RGS22: variants seen among roughly 807,000 people sequenced by gnomAD.
RGS22 encodes regulator of G protein signaling 22.
A neutral mutation model predicts 172.9 loss-of-function variants in RGS22; 148 were observed. The observed-to-expected ratio is 0.86, with a 90% CI of 0.75 to 0.98. The LOEUF (loss-of-function observed/expected upper bound fraction) is 0.98. Ranked by LOEUF, RGS22 falls within the 50% of genes least tolerant of loss-of-function variation. RGS22 has a pLI of 0.00. For missense variants in RGS22, 1,347 were observed against 1,440.8 expected (o/e 0.93, Z 1.05); for synonymous variants, 458 against 480.2 (o/e 0.95, Z 0.60).
At chr8:100,056,855 C>T (rs1345805665) in intron 9 of RGS22, among the ~76,000 whole-genome samples, 1 of 152,200 alleles carries the variant, frequency 6.6e-6, no homozygotes, top group Non-Finnish European at 1.5e-5. Flanking sequence ...CCACAGAGTC[C>T]CCACTGGGGC....
chr8:99,996,567 A>C (rs747935043), intron 19 of RGS22, 37 bp from the exon 20 acceptor site: 4 of 1,522,388 alleles, frequency 2.6e-6, no homozygotes, highest in African/African-American at 1.4e-5. Context: ...CCAGTTATTC[A>C]GACTAAAGGC....
chr8:100,016,453 C>G (rs1816963810), intron 14 of RGS22, among the ~76,000 whole-genome samples: 1 of 152,070 alleles, frequency 6.6e-6, no homozygotes. Flanking sequence ...ATATCAACCC[C>G]CATCTGACAA....
chr8:100,098,217 C>T (rs1586289703), intron 2 of RGS22, among the ~76,000 whole-genome samples: 1 of 152,228 alleles, frequency 6.6e-6, no homozygotes, highest in East Asian at 1.9e-4. Context: ...CCTATTTATT[C>T]TTTTAATTTC....
chr8:100,031,837 G>A (rs898387181), intron 14 of RGS22, among the ~76,000 whole-genome samples: 1 of 152,090 alleles, frequency 6.6e-6, no homozygotes, highest in African/African-American at 2.4e-5. Flanking sequence ...AACGCTATAA[G>A]CCAGAAGACA....
intron 2 of RGS22, among the ~76,000 whole-genome samples, chr8:100,099,774 C>T (rs1315697677): frequency 1.3e-5 from 2 of 152,158 alleles, no homozygotes; most frequent in Admixed American, 6.5e-5. Flanking sequence ...TGGGACCTGT[C>T]TTAGTTTCCT....
intron 2 of RGS22, among the ~76,000 whole-genome samples, chr8:100,098,253 T>C (rs1813137651): frequency 6.6e-6 from 1 of 152,222 alleles, no homozygotes; most frequent in South Asian, 2.1e-4. Flanking sequence ...AGTAAATGTT[T>C]AGAACATTTT....
At chr8:100,055,687 A>T (rs2514702) in intron 9 of RGS22, among the ~76,000 whole-genome samples, 59,142 of 151,976 alleles carry the variant, frequency 0.39, 11,967 homozygotes, top group East Asian at 0.55. Context: ...TTCTCCTGGT[A>T]GTGAATAAGT....
At chr8:100,024,366 T>A (rs1303573617) in intron 14 of RGS22, among the ~76,000 whole-genome samples, 1 of 151,940 alleles carries the variant, frequency 6.6e-6, no homozygotes, top group Non-Finnish European at 1.5e-5. Context: ...CTTAAAAAAA[T>A]AAAAACACTC....
At chr8:100,078,065 A>G (rs1811484455) in intron 4 of RGS22, among the ~76,000 whole-genome samples, 1 of 152,164 alleles carries the variant, frequency 6.6e-6, no homozygotes, top group Non-Finnish European at 1.5e-5. Flanking sequence ...TCATAATTGC[A>G]TAGTATACCT....
intron 9 of RGS22, among the ~76,000 whole-genome samples, 188 bp from the exon 10 acceptor site, chr8:100,053,164 G>T (rs1252108721): frequency 2.0e-5 from 3 of 152,000 alleles, no homozygotes; most frequent in Non-Finnish European, 4.4e-5. Flanking sequence ...TCAGCTGCCT[G>T]CAATCCCATT....
chr8:100,072,627 C>T (rs191533312), intron 4 of RGS22, among the ~76,000 whole-genome samples: 107 of 151,912 alleles, frequency 7.0e-4, no homozygotes, highest in African/African-American at 2.3e-3. Context: ...CTTGGTAAGG[C>T]CACCAAAGTC....
intron 11 of RGS22, 68 bp downstream of exon 11, chr8:100,047,395 A>C: frequency 7.2e-7 from 1 of 1,390,694 alleles, no homozygotes; most frequent in Non-Finnish European, 9.7e-7. Flanking sequence ...ATTTCTGTTT[A>C]GTTTTTAAAT....
rs34200563 is a variant in RGS22 at position 99,981,944 on chromosome 8, T to C, written c.3353A>G (p.Glu1118Gly). The change falls in exon 22 of 28, where the codon GAG becomes GGG. Residue 1118 changes from glutamate to glycine, a missense_variant. Coordinates refer to ENST00000360863, the MANE Select transcript of RGS22 (RefSeq NM_015668.5). ...RKELGPYVFR[E>G]AQMTIFGVLF... ...CATGCCCTGATCTCTTACCTGTGCC[T>C]CTCTAAATACATATGGTCCTAACTC... The C allele has an allele frequency of 3.9e-3, 6,288 of 1,610,040 alleles. 17 individuals are homozygous for C. Among genetic ancestry groups the C allele is most frequent in the South Asian group, 5.8e-3 (519 of 90,236 alleles).
At chr8:100,013,911 CATA>C (rs1298376232) in intron 14 of RGS22, among the ~76,000 whole-genome samples, 3 of 152,272 alleles carry the variant, frequency 2.0e-5, no homozygotes, top group East Asian at 1.9e-4. Context: ...CTACTAAAAA[CATA>C]ATGACTGACT....
At chr8:100,082,384 A>G (rs942574848) in intron 3 of RGS22, among the ~76,000 whole-genome samples, 26 of 152,244 alleles carry the variant, frequency 1.7e-4, no homozygotes, top group African/African-American at 5.8e-4. Context: ...TCCACTCTCC[A>G]TCCTCAAGTA....
chr8:100,037,095 G>A (rs899487404), intron 14 of RGS22, among the ~76,000 whole-genome samples: 3 of 152,056 alleles, frequency 2.0e-5, no homozygotes, highest in African/African-American at 4.8e-5. Flanking sequence ...ACAGAAACCT[G>A]GGATAATTAG....
chr8:100,045,852 G>A (rs1297501220), intron 11 of RGS22, among the ~76,000 whole-genome samples: 1 of 150,934 alleles, frequency 6.6e-6, no homozygotes, highest in Non-Finnish European at 1.5e-5. Flanking sequence ...TTTCTTTATG[G>A]GGATATATAT....
intron 14 of RGS22, among the ~76,000 whole-genome samples, chr8:100,022,032 T>G (rs1411820488): frequency 6.6e-6 from 1 of 152,202 alleles, no homozygotes; most frequent in Admixed American, 6.5e-5. Context: ...TGATTTTTAA[T>G]GACCTCTCAT....
chr8:100,051,001 G>C lies in RGS22; in HGVS notation c.1689+1801C>G, dbSNP rs374601255. 3.9e-5 allele frequency: 6 copies of C among 152,194 alleles called. No individual in the cohort carries two copies. In the South Asian group the frequency reaches 8.3e-4, roughly 21 times the overall value. The allele number at this position is 152,194 out of a possible 1,614,324, so 9.4% of individuals were successfully genotyped here. ...TAAAGCAAAATAAAGGAGGGCAAAG[G>C]GTATAGATAGTGATGGAGGGTATGT... On this transcript the variant is annotated intron_variant, in intron 10 of 27. Coordinates refer to ENST00000360863, the MANE Select transcript of RGS22 (RefSeq NM_015668.5).
Sources: allele counts gnomAD v4.1 joint callset (sites outside exome capture counted in the v4.1 genomes callset), GRCh38; gene constraint gnomAD v4.1.1; transcripts MANE v1.5; gene names NCBI Gene and HGNC (gene_info 2026-07-23, HGNC 2026-07-21).